SMARCB1: variants seen among roughly 807,000 people sequenced by gnomAD.
SMARCB1 encodes SWI/SNF related BAF chromatin remodeling complex subunit B1, also known as SWI/SNF-related matrix-associated actin-dependent regulator of chromatin subfamily B member 1.
Under a neutral mutation model 49.0 loss-of-function variants are expected in SMARCB1, and 5 were observed. The ratio of observed to expected loss-of-function variants is 0.10; its 90% CI spans 0.05 to 0.21. The LOEUF is 0.21. SMARCB1 is among the 10% of genes least tolerant of loss of function. The probability of loss-of-function intolerance (pLI) is 1.00; values close to 1 mark genes in which losing one functional copy is unlikely to be tolerated. For missense variants in SMARCB1, 226 were observed against 509.2 expected, an observed-to-expected ratio of 0.44 and a Z score of 5.35; for synonymous variants, 201 against 200.1, an observed-to-expected ratio of 1.00 and a Z score of -0.04.
chr22:23,815,229 A>G (rs1930115107), intron 5 of SMARCB1: 1 of 152,064 alleles, frequency 6.6e-6, no homozygotes, highest in Non-Finnish European at 1.5e-5. Flanking sequence ...CAGTGTGGCA[A>G]TTTCTGTTAA....
At chr22:23,802,404 TC>T in intron 4 of SMARCB1, 1 of 152,888 alleles carries the variant, frequency 6.5e-6, no homozygotes, top group East Asian at 2.0e-4. Context: ...CTTCCTTCCA[TC>T]ATTCCTCCTT....
intron 5 of SMARCB1, among the ~76,000 whole-genome samples, chr22:23,811,091 G>C (rs962517816): frequency 3.3e-5 from 5 of 151,654 alleles, no homozygotes; most frequent in African/African-American, 1.2e-4. Flanking sequence ...AAGGAAAGCA[G>C]GAGTGACAAT....
intron 5 of SMARCB1, among the ~76,000 whole-genome samples, chr22:23,806,784 T>G (rs1470523159): frequency 1.3e-5 from 2 of 151,848 alleles, no homozygotes; most frequent in East Asian, 3.9e-4. Context: ...TAGTCGGATG[T>G]GGTGGCACAC....
intron 4 of SMARCB1, chr22:23,801,656 G>C (rs1377609458): frequency 3.1e-6 from 1 of 322,820 alleles, no homozygotes; most frequent in African/African-American, 2.2e-5. Flanking sequence ...CAGCCTCTGT[G>C]GTCACGTGGC....
rs114758295 is a variant in SMARCB1, at chr22:23,807,627, G to A, written c.628+4205G>A. 7.3e-3 allele frequency among the ~76,000 whole-genome samples: 1,102 copies of A among 151,096 alleles called. 10 individuals are homozygous for A. The highest frequency in any genetic ancestry group is 0.024 in the African/African-American group (998 of 41,230). Reference sequence around the variant, plus strand: ...AAAAATCAAATGATAGATTCAGGAAGCCAAGTGAAGCCCAACATGATTAAC... The same window carrying A: ...AAAAATCAAATGATAGATTCAGGAAACCAAGTGAAGCCCAACATGATTAAC... On this transcript the variant is annotated intron_variant, in intron 5 of 8. Coordinates refer to ENST00000644036, the MANE Select transcript of SMARCB1 (RefSeq NM_003073.5).
rs549755887 is a variant in SMARCB1, at chr22:23,821,399, G to C, written c.796-3826G>C. Among the ~76,000 whole-genome samples, 61 of 151,828 alleles carry C rather than the reference G, an allele frequency of 4.0e-4. No homozygotes were observed. The Middle Eastern group carries it at 0.01, about 25-fold the overall frequency. ...GTTTCCCATCTATAATTGGGACTCA[G>C]AAGAGCTGGGTATTTCTTTCTTCCT... is the stretch of plus-strand genomic sequence containing the variant. On this transcript the variant is annotated intron_variant, in intron 6 of 8. Coordinates refer to ENST00000644036, the MANE Select transcript of SMARCB1 (RefSeq NM_003073.5).
chr22:23,813,449 CA>C (rs1239311412), intron 5 of SMARCB1, among the ~76,000 whole-genome samples: 2 of 152,140 alleles, frequency 1.3e-5, no homozygotes, highest in Non-Finnish European at 2.9e-5. Context: ...ACAAGGGATA[CA>C]AGGTAAACAT....
intron 4 of SMARCB1, chr22:23,801,539 TC>T: frequency 2.6e-6 from 1 of 377,576 alleles, no homozygotes; most frequent in Non-Finnish European, 5.1e-6. Context: ...GGATTTAGTT[TC>T]ACTAGACCAG....
chr22:23,822,257 G>A (rs1343947377), intron 6 of SMARCB1, among the ~76,000 whole-genome samples: 2 of 152,242 alleles, frequency 1.3e-5, no homozygotes, highest in Non-Finnish European at 2.9e-5. Flanking sequence ...AGGGGAGGAA[G>A]CTGGGGACAT....
At chr22:23,797,118 C>G (rs1928804254) in intron 3 of SMARCB1, among the ~76,000 whole-genome samples, 1 of 148,958 alleles carries the variant, frequency 6.7e-6, no homozygotes, top group Admixed American at 6.7e-5. Flanking sequence ...CCTGCCTCAG[C>G]CTCCCGAGTA....
intron 7 of SMARCB1, among the ~76,000 whole-genome samples, chr22:23,827,119 C>A (rs1407399896): frequency 6.6e-6 from 1 of 152,218 alleles, no homozygotes; most frequent in Non-Finnish European, 1.5e-5. Flanking sequence ...TTGCGCGCAT[C>A]AACACTGAGC....
chr22:23,821,125 C>A (rs1365377343), intron 6 of SMARCB1, among the ~76,000 whole-genome samples: 1 of 152,268 alleles, frequency 6.6e-6, no homozygotes, highest in African/African-American at 2.4e-5. Context: ...TCCCCAGTGA[C>A]CCTCTGACTT....
chr22:23,799,679 ATTTTTTTTTT>A (rs71184912), intron 3 of SMARCB1, among the ~76,000 whole-genome samples: 1 of 68,406 alleles, frequency 1.5e-5, no homozygotes, highest in Admixed American at 1.9e-4. Context: ...CACCTGGCTA[ATTTTTTTTTT>A]TTTTTTTTTT....
chr22:23,800,123 C>G (rs1441285294), intron 3 of SMARCB1, among the ~76,000 whole-genome samples: 2 of 152,250 alleles, frequency 1.3e-5, no homozygotes, highest in Admixed American at 1.3e-4. Flanking sequence ...GCCACCGCAC[C>G]TGGCCTGGTT....
At chr22:23,819,425 G>A (rs1342209190) in intron 6 of SMARCB1, among the ~76,000 whole-genome samples, 3 of 152,004 alleles carry the variant, frequency 2.0e-5, no homozygotes, top group African/African-American at 7.2e-5. Context: ...TGCCTCCCAG[G>A]TTCAAGCAAT....
Position 23,791,111 on chromosome 22 carries a change from A to AT in SMARCB1, c.94-644dup, listed in dbSNP as rs1330726224. 2.0e-5 allele frequency among the ~76,000 whole-genome samples: 3 copies of AT among 152,194 alleles called. No homozygotes were observed. The East Asian group carries it at 5.8e-4, about 29-fold the overall frequency. The stretch of plus-strand genomic sequence containing the variant: ...TCATACTTGAAAAGTCAACGAGACA[A>AT]TAGGGTACCCTCATAAAAACTTTAG... On this transcript the variant is annotated intron_variant, in intron 1 of 8. Transcript: ENST00000644036.
intron 3 of SMARCB1, among the ~76,000 whole-genome samples, chr22:23,794,929 A>G (rs1323748173): frequency 2.0e-5 from 3 of 152,002 alleles, no homozygotes; most frequent in Non-Finnish European, 2.9e-5. Flanking sequence ...AAAACTTAGA[A>G]CCTTTAGAAG....
intron 6 of SMARCB1, among the ~76,000 whole-genome samples, chr22:23,821,115 T>C (rs1047828621): frequency 3.9e-5 from 6 of 152,202 alleles, no homozygotes; most frequent in African/African-American, 1.4e-4. Flanking sequence ...AGAAGAGGCT[T>C]CCCCAGTGAC....
intron 5 of SMARCB1, among the ~76,000 whole-genome samples, chr22:23,810,209 C>A (rs8139613): frequency 0.098 from 14,573 of 149,258 alleles, 2,101 homozygotes; most frequent in African/African-American, 0.32. Flanking sequence ...CCCCTGCAGA[C>A]CTTCCCTAAA....
Sources: allele counts gnomAD v4.1 joint callset (sites outside exome capture counted in the v4.1 genomes callset), GRCh38; gene constraint gnomAD v4.1.1; transcripts MANE v1.5; gene names NCBI Gene and HGNC (gene_info 2026-07-23, HGNC 2026-07-21).